The following RBMS3 variants were observed in gnomAD, a reference collection of about 807,000 sequenced individuals.
RBMS3 encodes RNA-binding motif, single-stranded-interacting protein 3.
A neutral mutation model predicts 66.8 loss-of-function variants in RBMS3; 27 were observed. That is an observed-to-expected ratio of 0.40 (90% CI 0.30 to 0.56). The LOEUF (loss-of-function observed/expected upper bound fraction) is 0.56. RBMS3 is among the 20% of genes least tolerant of loss of function. The pLI, the probability that RBMS3 is intolerant of heterozygous loss-of-function variation, is 0.40. For missense variants in RBMS3, 513 were observed against 549.5 expected, an observed-to-expected ratio of 0.93 and a Z score of 0.66; for synonymous variants, 188 against 183.0, an observed-to-expected ratio of 1.03 and a Z score of -0.22.
intron 12 of RBMS3, among the ~76,000 whole-genome samples, chr3:29,947,810 A>C (rs900111424): frequency 6.6e-6 from 1 of 151,152 alleles, no homozygotes; most frequent in African/African-American, 2.4e-5. Context: ...TTTGTAGTCA[A>C]ATTTTTATTT....
At chr3:29,325,331 T>C (rs2035256391) in intron 1 of RBMS3, among the ~76,000 whole-genome samples, 2 of 152,078 alleles carry the variant, frequency 1.3e-5, no homozygotes. Context: ...GTGTCAAGGA[T>C]AGATGGGCTG....
intron 3 of RBMS3, among the ~76,000 whole-genome samples, chr3:29,528,884 T>G (rs1433379418): frequency 2.0e-5 from 3 of 152,022 alleles, no homozygotes; most frequent in African/African-American, 7.2e-5. Context: ...TGGGTGTGTG[T>G]CACCACACCC....
chr3:29,459,058 A>G (rs1422987093), intron 2 of RBMS3, among the ~76,000 whole-genome samples: 2 of 152,172 alleles, frequency 1.3e-5, no homozygotes, highest in Non-Finnish European at 2.9e-5. Flanking sequence ...GGTTAATCTG[A>G]CTGTCTGCTG....
chr3:29,493,713 C>A (rs551315869), intron 3 of RBMS3, among the ~76,000 whole-genome samples: 3 of 151,966 alleles, frequency 2.0e-5, no homozygotes, highest in Admixed American at 6.6e-5. Context: ...TTCTATGGAA[C>A]CTGAGTAACT....
intron 6 of RBMS3, among the ~76,000 whole-genome samples, chr3:29,803,941 AT>A (rs1448638382): frequency 6.6e-6 from 1 of 152,038 alleles, no homozygotes; most frequent in Non-Finnish European, 1.5e-5. Context: ...AGGCTATTTC[AT>A]TCTTCTATCT....
At chr3:29,870,965 A>G (rs1480946336) in intron 7 of RBMS3, among the ~76,000 whole-genome samples, 2 of 152,148 alleles carry the variant, frequency 1.3e-5, no homozygotes, top group Admixed American at 1.3e-4. Flanking sequence ...TTGTGGTCTT[A>G]GAAGTAAATA....
chr3:29,476,027 AT>A (rs1327545036), intron 2 of RBMS3, among the ~76,000 whole-genome samples: 2 of 152,120 alleles, frequency 1.3e-5, no homozygotes, highest in African/African-American at 4.8e-5. Context: ...GTTCTTTGTC[AT>A]GTAAAACATC....
At chr3:29,387,193 CACTATGGTTGACTTCTCACCTG>C (rs2039048533) in intron 1 of RBMS3, among the ~76,000 whole-genome samples, 1 of 152,108 alleles carries the variant, frequency 6.6e-6, no homozygotes, top group Non-Finnish European at 1.5e-5. Flanking sequence ...AAATTTGTAT[CACTATGGTTGACTTCTCACCTG>C]AACTCCAGGT....
chr3:29,757,758 TC>T (rs1387842378), intron 5 of RBMS3, among the ~76,000 whole-genome samples: 2 of 152,182 alleles, frequency 1.3e-5, no homozygotes, highest in Non-Finnish European at 2.9e-5. Flanking sequence ...ACACCCAGTT[TC>T]CCCCATTAAC....
chr3:29,350,406 C>T (rs974929094), intron 1 of RBMS3, among the ~76,000 whole-genome samples: 1 of 151,904 alleles, frequency 6.6e-6, no homozygotes, highest in Admixed American at 6.6e-5. Flanking sequence ...GGATTGATGT[C>T]CACAGAACAG....
chr3:29,905,055 G>A (rs558062308), intron 10 of RBMS3, among the ~76,000 whole-genome samples: 15 of 151,896 alleles, frequency 9.9e-5, no homozygotes, highest in African/African-American at 3.6e-4. Flanking sequence ...TTTAGAACAA[G>A]GGTCAGCAAA....
chr3:29,644,286 C>T (rs2049836697), intron 4 of RBMS3, among the ~76,000 whole-genome samples: 1 of 152,182 alleles, frequency 6.6e-6, no homozygotes, highest in African/African-American at 2.4e-5. Flanking sequence ...TGTCGTGTTA[C>T]AATTTTGAAC....
chr3:29,326,328 C>A (rs556746048), intron 1 of RBMS3, among the ~76,000 whole-genome samples: 75 of 152,254 alleles, frequency 4.9e-4, no homozygotes, highest in African/African-American at 1.8e-3. Flanking sequence ...AATTATGATC[C>A]CCAATAAGTC....
intron 9 of RBMS3, among the ~76,000 whole-genome samples, chr3:29,898,472 G>A (rs979981904): frequency 6.6e-6 from 1 of 151,532 alleles, no homozygotes; most frequent in Non-Finnish European, 1.5e-5. Context: ...CTTCATTTCA[G>A]GATATCCCAG....
intron 10 of RBMS3, among the ~76,000 whole-genome samples, chr3:29,934,918 A>C (rs1367747417): frequency 6.6e-6 from 1 of 152,120 alleles, no homozygotes; most frequent in African/African-American, 2.4e-5. Context: ...GCATTTTAGG[A>C]AACGCGCAGT....
intron 3 of RBMS3, 148 bp downstream of exon 3, chr3:29,488,647 T>G: frequency 1.7e-6 from 1 of 589,168 alleles, no homozygotes; most frequent in Non-Finnish European, 2.8e-6. Context: ...TTTTGATAAG[T>G]TGTATTTCTA....
intron 6 of RBMS3, among the ~76,000 whole-genome samples, chr3:29,840,744 T>C (rs1027474641): frequency 6.6e-6 from 1 of 152,072 alleles, no homozygotes; most frequent in African/African-American, 2.4e-5. Context: ...ACCATATTTA[T>C]ATAAACTGCT....
At chr3:29,455,512 A>G (rs1225679218) in intron 2 of RBMS3, among the ~76,000 whole-genome samples, 1 of 152,090 alleles carries the variant, frequency 6.6e-6, no homozygotes, top group Non-Finnish European at 1.5e-5. Context: ...CTCTGATCAC[A>G]ACTTTCTCAT....
intron 3 of RBMS3, among the ~76,000 whole-genome samples, chr3:29,574,446 G>A (rs76196865): frequency 0.054 from 8,240 of 151,674 alleles, 405 homozygotes; most frequent in African/African-American, 0.14. Flanking sequence ...TTTTCAGTCT[G>A]TGGGTCTTTA....
Sources: gnomAD v4.1 joint callset for allele counts (sites outside exome capture counted in the v4.1 genomes callset) on GRCh38, gnomAD v4.1.1 for gene constraint, MANE v1.5 for transcripts, NCBI Gene and HGNC (gene_info 2026-07-23, HGNC 2026-07-21) for gene names.